The following PDE4D variants were observed in gnomAD, a reference collection of about 807,000 sequenced individuals.
PDE4D encodes phosphodiesterase 4D, also known as 3',5'-cyclic-AMP phosphodiesterase 4D.
In PDE4D, 24 loss-of-function variants were observed where a neutral mutation model predicts 87.4. The ratio of observed to expected loss-of-function variants is 0.27; its 90% CI spans 0.20 to 0.39. The LOEUF is 0.39. Ranked by LOEUF, PDE4D falls within the 10% of genes least tolerant of loss-of-function variation. PDE4D has a pLI of 1.00. For synonymous variants in PDE4D, 384 were observed against 383.2 expected (o/e 1.00, Z -0.02); for missense variants, 714 against 1,041.0 (o/e 0.69, Z 4.32).
At chr5:59,832,030 T>C (rs1741327967) in intron 1 of PDE4D, among the ~76,000 whole-genome samples, 1 of 152,038 alleles carries the variant, frequency 6.6e-6, no homozygotes, top group Non-Finnish European at 1.5e-5. Flanking sequence ...TCAACTTAAG[T>C]AAACACTGGG....
intron 1 of PDE4D, among the ~76,000 whole-genome samples, chr5:59,535,075 G>T (rs1239556703): frequency 8.5e-6 from 1 of 117,900 alleles, no homozygotes. Context: ...GTGTGTGTGT[G>T]TGGGGGGGGG....
intron 1 of PDE4D, among the ~76,000 whole-genome samples, chr5:60,432,498 C>T (rs1403921051): frequency 1.3e-5 from 2 of 152,106 alleles, no homozygotes; most frequent in African/African-American, 4.8e-5. Flanking sequence ...TGAATGTTTT[C>T]AGGAATTTAT....
At chr5:60,427,835 G>A (rs1355674206) in intron 1 of PDE4D, among the ~76,000 whole-genome samples, 1 of 152,180 alleles carries the variant, frequency 6.6e-6, no homozygotes. Flanking sequence ...ACTTTGGGAG[G>A]CAGAGCAGGG....
At chr5:60,067,068 T>C (rs34570495) in intron 2 of PDE4D, among the ~76,000 whole-genome samples, 4 of 152,048 alleles carry the variant, frequency 2.6e-5, no homozygotes, top group South Asian at 4.2e-4. Context: ...CTGTCCTCTC[T>C]GGACACAGCT....
At chr5:60,460,042 A>C in intron 1 of PDE4D, 1 of 1,509,392 alleles carries the variant, frequency 6.6e-7, no homozygotes, top group South Asian at 1.1e-5. Flanking sequence ...GTTTGACCAA[A>C]TATCATCTTT....
At chr5:60,033,529 G>T (rs751539301) in intron 2 of PDE4D, among the ~76,000 whole-genome samples, 1 of 152,132 alleles carries the variant, frequency 6.6e-6, no homozygotes, top group East Asian at 1.9e-4. Context: ...AACAAAAAAA[G>T]AGTGAGTGAT....
chr5:59,837,821 G>A (rs897420150), intron 1 of PDE4D, among the ~76,000 whole-genome samples: 6 of 152,038 alleles, frequency 3.9e-5, no homozygotes, highest in African/African-American at 1.2e-4. Context: ...AAAGATGAAA[G>A]TTCACCAATA....
At chr5:59,286,916 G>A (rs1438462739) in intron 1 of PDE4D, among the ~76,000 whole-genome samples, 1 of 78,530 alleles carries the variant, frequency 1.3e-5, no homozygotes, top group African/African-American at 1.0e-4. Flanking sequence ...TTCTTTGGAT[G>A]TATATTTTCA....
intron 1 of PDE4D, among the ~76,000 whole-genome samples, chr5:59,819,306 C>A (rs1197989011): frequency 6.6e-6 from 1 of 152,174 alleles, no homozygotes; most frequent in Non-Finnish European, 1.5e-5. Context: ...AAACTGAGTT[C>A]ATAAATGGTC....
chr5:59,786,917 A>G (rs1431296610), intron 1 of PDE4D, among the ~76,000 whole-genome samples: 1 of 152,218 alleles, frequency 6.6e-6, no homozygotes, highest in African/African-American at 2.4e-5. Context: ...GGGCTAGCCT[A>G]CTATATTTCA....
At chr5:59,967,384 C>T (rs1170184926) in intron 3 of PDE4D, among the ~76,000 whole-genome samples, 2 of 152,058 alleles carry the variant, frequency 1.3e-5, no homozygotes, top group Admixed American at 1.3e-4. Context: ...GCCTAATTTT[C>T]ACTATCTACA....
At chr5:60,262,827 A>G (rs1008084041) in intron 1 of PDE4D, among the ~76,000 whole-genome samples, 1 of 152,088 alleles carries the variant, frequency 6.6e-6, no homozygotes. Flanking sequence ...GGGTGGGGAT[A>G]GGGGAAGGGT....
intron 3 of PDE4D, among the ~76,000 whole-genome samples, chr5:59,188,127 C>A (rs1170516540): frequency 1.3e-5 from 2 of 151,978 alleles, no homozygotes; most frequent in African/African-American, 4.8e-5. Flanking sequence ...CCCCTGAATT[C>A]GACTCTTTAA....
At chr5:59,030,802 C>A (rs1386991278) in intron 6 of PDE4D, among the ~76,000 whole-genome samples, 34 of 152,180 alleles carry the variant, frequency 2.2e-4, no homozygotes, top group Non-Finnish European at 1.5e-4. Flanking sequence ...TGAGCTATCA[C>A]CTCATGCCTG....
At chr5:59,626,020 G>A (rs1048683964) in intron 1 of PDE4D, among the ~76,000 whole-genome samples, 7 of 152,192 alleles carry the variant, frequency 4.6e-5, no homozygotes, top group African/African-American at 7.2e-5. Flanking sequence ...CCCAGGAGGC[G>A]GAGCTTGCAG....
chr5:59,928,448 C>T (rs1389535106), intron 3 of PDE4D, among the ~76,000 whole-genome samples: 2 of 151,888 alleles, frequency 1.3e-5, no homozygotes, highest in East Asian at 1.9e-4. Context: ...TGTGGTGGTG[C>T]GCGCCTATAA....
At chr5:59,520,536 G>A (rs980150911) in intron 1 of PDE4D, among the ~76,000 whole-genome samples, 14 of 152,104 alleles carry the variant, frequency 9.2e-5, no homozygotes, top group African/African-American at 2.9e-4. Context: ...ATTGTGGTGA[G>A]GCACCTCTCA....
chr5:59,061,884 T>A (rs1314516478), intron 5 of PDE4D, among the ~76,000 whole-genome samples: 2 of 152,088 alleles, frequency 1.3e-5, no homozygotes, highest in East Asian at 3.9e-4. Flanking sequence ...AAAACGGCTA[T>A]AAGTACCATG....
intron 2 of PDE4D, among the ~76,000 whole-genome samples, chr5:60,077,494 G>A (rs377052178): frequency 3.9e-5 from 6 of 152,262 alleles, no homozygotes; most frequent in Middle Eastern, 6.8e-3. Flanking sequence ...AGGCCCCCAC[G>A]AGCTACCTGG....
Sources: gnomAD v4.1 joint callset for allele counts (sites outside exome capture counted in the v4.1 genomes callset) on GRCh38, gnomAD v4.1.1 for gene constraint, MANE v1.5 for transcripts, NCBI Gene and HGNC (gene_info 2026-07-23, HGNC 2026-07-21) for gene names.